Variants in FBXO21 observed in about 807,000 individuals in gnomAD.
The protein encoded by FBXO21 is F-box protein 21.
Under a neutral mutation model 76.6 loss-of-function variants are expected in FBXO21, and 32 were observed. The observed-to-expected ratio is 0.42, with a 90% CI of 0.32 to 0.56. The LOEUF is 0.56. FBXO21 is among the 20% of genes least tolerant of loss of function. The pLI is 0.16. For missense variants in FBXO21, 586 were observed against 797.3 expected (o/e 0.73, Z 3.19); for synonymous variants, 328 against 311.5 (o/e 1.05, Z -0.56).
At chr12:117,151,084 G>C (rs1340994046) in intron 11 of FBXO21, among the ~76,000 whole-genome samples, 2 of 151,816 alleles carry the variant, frequency 1.3e-5, no homozygotes, top group African/African-American at 4.8e-5. Flanking sequence ...AACGTTTGTC[G>C]AGGACATGCC....
intron 11 of FBXO21, among the ~76,000 whole-genome samples, chr12:117,149,048 C>T (rs1207018853): frequency 6.6e-6 from 1 of 152,248 alleles, no homozygotes; most frequent in Non-Finnish European, 1.5e-5. Context: ...TCCCTCTTCA[C>T]ATCCAGTAAC....
At chr12:117,189,606 CAAT>C (rs1159351555) in intron 1 of FBXO21, among the ~76,000 whole-genome samples, 19 of 152,066 alleles carry the variant, frequency 1.2e-4, no homozygotes, top group African/African-American at 3.1e-4. Flanking sequence ...ACAACAACAA[CAAT>C]AATAATAATG....
intron 11 of FBXO21, among the ~76,000 whole-genome samples, chr12:117,149,249 C>T (rs1955812276): frequency 6.6e-6 from 1 of 152,148 alleles, no homozygotes; most frequent in East Asian, 1.9e-4. Context: ...ATCCTCCTGT[C>T]TTGGCCTCCC....
intron 11 of FBXO21, among the ~76,000 whole-genome samples, chr12:117,153,820 C>T (rs1280407444): frequency 1.3e-5 from 2 of 152,224 alleles, no homozygotes; most frequent in Non-Finnish European, 2.9e-5. Flanking sequence ...TCATTTAGTT[C>T]CATCTCAATT....
intron 7 of FBXO21, among the ~76,000 whole-genome samples, chr12:117,170,979 C>T (rs1263579860): frequency 6.6e-6 from 1 of 152,104 alleles, no homozygotes; most frequent in Non-Finnish European, 1.5e-5. Flanking sequence ...CCATGCAGTA[C>T]ATCCTCAGAA....
chr12:117,177,017 CA>C (rs1260024783), intron 4 of FBXO21, among the ~76,000 whole-genome samples: 1 of 152,104 alleles, frequency 6.6e-6, no homozygotes, highest in Non-Finnish European at 1.5e-5. Flanking sequence ...TTAATAAGAA[CA>C]AAAAGATTCT....
chr12:117,151,282 G>A (rs1955840011), intron 11 of FBXO21, among the ~76,000 whole-genome samples: 1 of 152,114 alleles, frequency 6.6e-6, no homozygotes, highest in South Asian at 2.1e-4. Flanking sequence ...GTATCAAAGC[G>A]CGCCCCCTTG....
intron 11 of FBXO21, among the ~76,000 whole-genome samples, chr12:117,150,554 C>G (rs113517435): frequency 1.3e-5 from 2 of 152,294 alleles, no homozygotes; most frequent in African/African-American, 4.8e-5. Flanking sequence ...ACCACTCACC[C>G]GCAACTGGCT....
intron 7 of FBXO21, among the ~76,000 whole-genome samples, chr12:117,169,399 C>G (rs1042225139): frequency 6.6e-6 from 1 of 152,110 alleles, no homozygotes; most frequent in Non-Finnish European, 1.5e-5. Flanking sequence ...ATCTGCACAA[C>G]AAACCCCCAT....
At chr12:117,180,177 C>T (rs751715420) in intron 3 of FBXO21, among the ~76,000 whole-genome samples, 3 of 152,146 alleles carry the variant, frequency 2.0e-5, no homozygotes, top group Non-Finnish European at 4.4e-5. Flanking sequence ...AAAATCCTTG[C>T]ATTGGACATA....
In FBXO21 at chr12:117,157,928, C is replaced by T. The variant is rs766185486; in HGVS notation, c.1462G>A (p.Asp488Asn). The T allele has an allele frequency of 8.7e-6, 14 of 1,613,900 alleles. No homozygotes were observed. Among genetic ancestry groups the T allele is most frequent in the Admixed American group, 6.7e-5 (4 of 59,970 alleles). Residue 488 changes from aspartate to asparagine, a missense_variant, in exon 10 of 12, where the codon GAT becomes AAT. This residue lies in a region of FBXO21 where 164 missense variants were observed against 236.7 expected (regional missense o/e 0.69). Coordinates refer to ENST00000622495, the MANE Select transcript of FBXO21 (RefSeq NM_015002.3). ...EVGVEVKLRS[D>N]EKHRDVCYSI... ...TAGCAGACATCTCTGTGCTTCTCAT[C>T]GGAGCGCAGCTTCACCTCTACGCCC...
In FBXO21 at chr12:117,145,904, T is replaced by C. The variant is rs887207780; in HGVS notation, c.*183A>G. The C allele has an allele frequency of 1.0e-5, 5 of 498,422 alleles. No individual in the cohort carries two copies. The highest frequency in any genetic ancestry group is 3.9e-5 in the African/African-American group (2 of 51,250). 30.9% of individuals were successfully genotyped at this position (498,422 alleles called of 1,614,324 possible). A position where few individuals can be genotyped will look rare whatever the true frequency, so the allele number is the denominator to read the frequency against. ...TCACTAGTGTAGGCGGAGAGCAACA[T>C]TGTCTTTGCAGCTGGGGAAGAGCAC... On this transcript the variant is annotated 3_prime_UTR_variant, in exon 12 of 12. Coordinates refer to ENST00000622495, the MANE Select transcript of FBXO21 (RefSeq NM_015002.3).
intron 5 of FBXO21, 124 bp from the exon 6 acceptor site, chr12:117,174,465 A>G: frequency 4.1e-6 from 5 of 1,218,406 alleles, no homozygotes; most frequent in Non-Finnish European, 5.9e-6. Flanking sequence ...TTGCCAATCT[A>G]GGAAGCAGAA....
At chr12:117,173,548 GA>G (rs1956139593) in intron 6 of FBXO21, among the ~76,000 whole-genome samples, 1 of 152,240 alleles carries the variant, frequency 6.6e-6, no homozygotes, top group African/African-American at 2.4e-5. Flanking sequence ...ATGCAAACTT[GA>G]CACAGCTGGG....
At position 117,151,008 on chromosome 12, in the gene FBXO21, C is replaced by T. The variant is rs547204266; in HGVS notation, c.1676-4731G>A. Among the ~76,000 whole-genome samples the T allele has an allele frequency of 1.8e-3, 213 of 115,140 alleles. 1 individual carries two copies. Among genetic ancestry groups the T allele is most frequent in the African/African-American group, 6.8e-3 (202 of 29,884 alleles). 75.5% of individuals were successfully genotyped at this position (115,140 alleles called of 152,430 possible). A position where few individuals can be genotyped will look rare whatever the true frequency, so the allele number is the denominator to read the frequency against. ...TGTGTGTGTGTGTGTGTGTGTCGGG[C>T]GGGGAGGACTGTATGGGTGGAAAGT... is the stretch of plus-strand genomic sequence containing the variant. On this transcript the variant is annotated intron_variant, in intron 11 of 11. Coordinates refer to ENST00000622495, the MANE Select transcript of FBXO21 (RefSeq NM_015002.3).
intron 9 of FBXO21, 25 bp from the exon 10 acceptor site, chr12:117,158,088 A>C: frequency 1.9e-6 from 3 of 1,613,538 alleles, no homozygotes; most frequent in Non-Finnish European, 2.5e-6. Context: ...AGAAAGACTA[A>C]AAGATAATAT....
intron 11 of FBXO21, among the ~76,000 whole-genome samples, chr12:117,150,702 T>C (rs971643755): frequency 6.6e-6 from 1 of 152,182 alleles, no homozygotes; most frequent in African/African-American, 2.4e-5. Context: ...GGGATCGAGG[T>C]GGAACTGCTA....
chr12:117,186,574 A>G lies in FBXO21; in HGVS notation c.376-3T>C, dbSNP rs1406830242. 6.3e-7 allele frequency: 1 copy of G among 1,599,468 alleles called. No homozygotes were observed. Among genetic ancestry groups the G allele is most frequent in the Non-Finnish European group, 8.5e-7 (1 of 1,170,546 alleles). On this transcript the variant is annotated splice_region_variant and splice_polypyrimidine_tract_variant and intron_variant, in intron 2 of 11. Coordinates refer to ENST00000622495, the MANE Select transcript of FBXO21 (RefSeq NM_015002.3). ...TCACTGAAGCCATTACAAGGAACCT[A>G]TGAAGAAGACATATACAAGTAGGCC... is the stretch of plus-strand genomic sequence containing the variant.
intron 8 of FBXO21, 89 bp from the exon 9 acceptor site, chr12:117,165,706 G>A: frequency 1.5e-6 from 2 of 1,316,144 alleles, no homozygotes; most frequent in Non-Finnish European, 2.0e-6. Context: ...AAATATAATT[G>A]ACACAAATCC....
Sources: allele counts gnomAD v4.1 joint callset (sites outside exome capture counted in the v4.1 genomes callset), GRCh38; gene constraint gnomAD v4.1.1; regional missense constraint gnomAD v4.1.1; transcripts MANE v1.5; gene names NCBI Gene and HGNC (gene_info 2026-07-23, HGNC 2026-07-21).